The following UNC79 variants were observed in gnomAD, a reference collection of about 807,000 sequenced individuals.
The protein encoded by UNC79 is unc-79 subunit of NALCN channel complex.
A neutral mutation model predicts 283.1 loss-of-function variants in UNC79; 37 were observed. That is an observed-to-expected ratio of 0.13 (90% CI 0.10 to 0.17). The LOEUF (loss-of-function observed/expected upper bound fraction) is 0.17, where lower values mean the gene tolerates loss of function less well. UNC79 is among the 10% of genes least tolerant of loss of function. UNC79 has a pLI of 1.00. For missense variants in UNC79, 2,272 were observed against 3,211.1 expected (o/e 0.71, Z 7.07); for synonymous variants, 1,107 against 1,200.2 (o/e 0.92, Z 1.61).
At chr14:93,674,537 G>A (rs1021880290) in intron 41 of UNC79, among the ~76,000 whole-genome samples, 3 of 152,166 alleles carry the variant, frequency 2.0e-5, no homozygotes, top group African/African-American at 7.2e-5. Context: ...AATGGCCTTT[G>A]GGTAAAGTGC....
chr14:93,667,381 G>T (rs564824081), intron 40 of UNC79, among the ~76,000 whole-genome samples: 1 of 152,230 alleles, frequency 6.6e-6, no homozygotes, highest in South Asian at 2.1e-4. Context: ...CACTGATAAA[G>T]AATATCAGCA....
exon 22 of UNC79, chr14:93,586,867 T>G (rs1175132090): frequency 6.2e-7 from 1 of 1,613,996 alleles, no homozygotes; most frequent in Non-Finnish European, 8.5e-7. Context: ...AAGATCACCC[T>G]CAATTTTTAG....
At position 93,361,086 on chromosome 14, in the gene UNC79, C is replaced by T. The variant is rs558778474; in HGVS notation, c.-351+27563C>T. On this transcript the variant is annotated intron_variant, in intron 1 of 49. Transcript: ENST00000256339. ...AAAATTACCCGGGCATGGTGGTACACGCCTGTAATCCCAGCTACTCAGGAG... is the reference window on the plus strand; with the variant it reads ...AAAATTACCCGGGCATGGTGGTACATGCCTGTAATCCCAGCTACTCAGGAG... 4.6e-5 allele frequency among the ~76,000 whole-genome samples: 7 copies of T among 151,654 alleles called. No individual in the cohort carries two copies. The South Asian group carries it at 8.4e-4, about 18-fold the overall frequency.
chr14:93,598,690 T>G (rs1385545562), intron 24 of UNC79, among the ~76,000 whole-genome samples: 12 of 152,096 alleles, frequency 7.9e-5, no homozygotes, highest in Admixed American at 5.9e-4. Flanking sequence ...CCTGGCTAAT[T>G]TTTGTATTTT....
At position 93,340,227 on chromosome 14, in the gene UNC79, G is replaced by A. The variant is rs565108570; in HGVS notation, c.-351+6704G>A. 1.2e-4 allele frequency among the ~76,000 whole-genome samples: 18 copies of A among 152,280 alleles called. 2 individuals carry two copies. The South Asian group carries it at 3.7e-3, about 32-fold the overall frequency. The stretch of plus-strand genomic sequence containing the variant: ...GTAGGCCAAGGTGGGCGGATCGCGA[G>A]GTCAGGAGATCGAGACCATCCTGGC... On this transcript the variant is annotated intron_variant, in intron 1 of 49. Transcript: ENST00000256339.
intron 1 of UNC79, among the ~76,000 whole-genome samples, chr14:93,401,044 G>A (rs1265114982): frequency 5.9e-5 from 9 of 152,136 alleles, no homozygotes; most frequent in Admixed American, 2.0e-4. Context: ...GGAAAATAGT[G>A]CATGGTTTAT....
intron 1 of UNC79, among the ~76,000 whole-genome samples, chr14:93,410,424 G>A (rs1473096210): frequency 2.0e-5 from 3 of 152,150 alleles, no homozygotes; most frequent in African/African-American, 7.2e-5. Flanking sequence ...GTGCTGAACT[G>A]GTATCAGAGC....
chr14:93,574,235 T>G (rs2063353616), intron 16 of UNC79, among the ~76,000 whole-genome samples: 1 of 152,202 alleles, frequency 6.6e-6, no homozygotes, highest in Non-Finnish European at 1.5e-5. Flanking sequence ...TTTACACGTT[T>G]TATGAACTGG....
At chr14:93,391,833 A>G (rs1188976701) in intron 1 of UNC79, among the ~76,000 whole-genome samples, 1 of 152,230 alleles carries the variant, frequency 6.6e-6, no homozygotes, top group Non-Finnish European at 1.5e-5. Flanking sequence ...CAAAGAGGAT[A>G]TCCAAATGTG....
At chr14:93,428,365 G>A (rs981536025), upstream of UNC79, among the ~76,000 whole-genome samples, 14 of 152,130 alleles carry the variant, frequency 9.2e-5, no homozygotes, top group African/African-American at 3.4e-4. Flanking sequence ...TAGAGGCATA[G>A]GTTTGGAAAA....
At chr14:93,477,153 A>T (rs1000437409) in intron 3 of UNC79, among the ~76,000 whole-genome samples, 5 of 152,110 alleles carry the variant, frequency 3.3e-5, no homozygotes, top group African/African-American at 9.7e-5. Flanking sequence ...GACACTCCAG[A>T]TGGTTTGATT....
intron 1 of UNC79, among the ~76,000 whole-genome samples, chr14:93,443,626 T>C (rs773958635): frequency 1.3e-5 from 2 of 152,146 alleles, no homozygotes; most frequent in African/African-American, 2.4e-5. Flanking sequence ...GGTTTCACCA[T>C]GTTGGGCAGG....
chr14:93,551,726 G>A (rs1030317481), intron 14 of UNC79, among the ~76,000 whole-genome samples: 2 of 152,198 alleles, frequency 1.3e-5, no homozygotes, highest in Non-Finnish European at 2.9e-5. Flanking sequence ...TGGGTTTTGA[G>A]ATCAGTGGGA....
intron 1 of UNC79, among the ~76,000 whole-genome samples, chr14:93,402,482 G>A (rs750743767): frequency 2.6e-5 from 4 of 151,710 alleles, no homozygotes; most frequent in Non-Finnish European, 4.4e-5. Flanking sequence ...GAACTGAGAA[G>A]AGGTAGATAT....
At chr14:93,628,947 C>T (rs558917904) in intron 30 of UNC79, among the ~76,000 whole-genome samples, 5 of 152,224 alleles carry the variant, frequency 3.3e-5, no homozygotes, top group Admixed American at 1.3e-4. Context: ...GCCTGTAATC[C>T]GAGCACTTTG....
chr14:93,463,008 C>G (rs1244674518), intron 1 of UNC79, among the ~76,000 whole-genome samples: 1 of 151,978 alleles, frequency 6.6e-6, no homozygotes, highest in African/African-American at 2.4e-5. Context: ...GATGGGATTG[C>G]CTATGGGGAG....
intron 1 of UNC79, among the ~76,000 whole-genome samples, chr14:93,464,811 A>C (rs2057099882): frequency 6.6e-6 from 1 of 152,168 alleles, no homozygotes; most frequent in Non-Finnish European, 1.5e-5. Flanking sequence ...CCCTGCTTTG[A>C]TGAGGCTGCT....
chr14:93,448,188 T>A (rs574938978), intron 1 of UNC79, among the ~76,000 whole-genome samples: 84 of 151,436 alleles, frequency 5.5e-4, no homozygotes, highest in African/African-American at 1.9e-3. Context: ...TTTTTTTTTT[T>A]AAATCGTTTC....
intron 1 of UNC79, among the ~76,000 whole-genome samples, chr14:93,377,286 G>C (rs913544040): frequency 3.9e-5 from 6 of 151,970 alleles, no homozygotes; most frequent in African/African-American, 1.5e-4. Context: ...AGTAGAGATG[G>C]GGTTTCACCA....
Sources: gnomAD v4.1 joint callset for allele counts (sites outside exome capture counted in the v4.1 genomes callset) on GRCh38, gnomAD v4.1.1 for gene constraint, MANE v1.5 for transcripts, NCBI Gene and HGNC (gene_info 2026-07-23, HGNC 2026-07-21) for gene names.